The following NRXN3 variants were observed in gnomAD, a reference collection of about 807,000 sequenced individuals.
NRXN3 encodes neurexin III.
A neutral mutation model predicts 137.6 loss-of-function variants in NRXN3; 32 were observed. That is an observed-to-expected ratio of 0.23 (90% CI 0.18 to 0.31). The LOEUF (loss-of-function observed/expected upper bound fraction) is 0.31, where lower values mean the gene tolerates loss of function less well. NRXN3 is among the 10% of genes least tolerant of loss of function. NRXN3 has a pLI of 1.00. For synonymous variants in NRXN3, 798 were observed against 784.5 expected, an observed-to-expected ratio of 1.02 and a Z score of -0.29; for missense variants, 1,574 against 2,062.5, an observed-to-expected ratio of 0.76 and a Z score of 4.59.
chr14:79,071,617 C>G (rs1482134916), intron 15 of NRXN3, among the ~76,000 whole-genome samples: 2 of 152,012 alleles, frequency 1.3e-5, no homozygotes, highest in Non-Finnish European at 2.9e-5. Flanking sequence ...AAAATTTAAA[C>G]AATTGAACTC....
intron 4 of NRXN3, among the ~76,000 whole-genome samples, chr14:78,327,159 A>G (rs2080207946): frequency 6.6e-6 from 1 of 152,222 alleles, no homozygotes; most frequent in Non-Finnish European, 1.5e-5. Flanking sequence ...GTTATTGTTA[A>G]TGGTATATCG....
At chr14:78,442,580 C>A (rs1042241520) in intron 4 of NRXN3, among the ~76,000 whole-genome samples, 2 of 152,202 alleles carry the variant, frequency 1.3e-5, no homozygotes, top group African/African-American at 2.4e-5. Context: ...AGAAAGGGTT[C>A]TCCTTCTCTG....
rs566133936 is a variant in NRXN3, at chr14:79,174,901, G to A, written c.3262+186760G>A. Among the ~76,000 whole-genome samples the A allele has an allele frequency of 9.9e-5, 15 of 151,860 alleles. No individual in the cohort carries two copies. In the East Asian group the frequency reaches 2.7e-3, roughly 27 times the overall value. On this transcript the variant is annotated intron_variant, in intron 15 of 20. Transcript: ENST00000335750. ...TGGAGAGAGGAAGGGGAGCAATAGG[G>A]GAATATGGAATGGGGAAAGCAAAAG...
intron 4 of NRXN3, among the ~76,000 whole-genome samples, chr14:78,429,536 G>T (rs948142180): frequency 6.6e-6 from 1 of 152,200 alleles, no homozygotes. Context: ...TATCTCCAGA[G>T]TATGGACTTG....
intron 14 of NRXN3, among the ~76,000 whole-genome samples, chr14:78,978,983 G>A (rs193002617): frequency 1.2e-3 from 187 of 151,946 alleles, no homozygotes; most frequent in Non-Finnish European, 1.4e-3. Flanking sequence ...AGGAGCACAA[G>A]TGTCCAATGT....
At chr14:79,431,065 C>T (rs891404023) in intron 15 of NRXN3, among the ~76,000 whole-genome samples, 2 of 152,158 alleles carry the variant, frequency 1.3e-5, no homozygotes, top group African/African-American at 2.4e-5. Flanking sequence ...TACCTCCTTT[C>T]TCAGATCCAG....
At chr14:78,404,205 C>CTT (rs61577048) in intron 4 of NRXN3, among the ~76,000 whole-genome samples, 1 of 142,234 alleles carries the variant, frequency 7.0e-6, no homozygotes, top group African/African-American at 2.6e-5. Flanking sequence ...CCCTATTTTC[C>CTT]TTTTTTTTTT....
chr14:78,179,172 C>T lies in NRXN3; in HGVS notation c.-704+8498C>T, dbSNP rs184908527. ...CATGTGCACTGACAACATCCCCCTACATCTGTGTCACAGGATAAAGGGTGG... is the reference window on the plus strand; with the variant it reads ...CATGTGCACTGACAACATCCCCCTATATCTGTGTCACAGGATAAAGGGTGG... On this transcript the variant is annotated intron_variant, in intron 1 of 20. Coordinates refer to ENST00000335750, the MANE Select transcript of NRXN3 (RefSeq NM_001330195.2). Among the ~76,000 whole-genome samples, 14 of 152,278 alleles carry T rather than the reference C, an allele frequency of 9.2e-5. No homozygotes were observed. In the East Asian group the frequency reaches 2.5e-3, roughly 27 times the overall value.
In NRXN3 at chr14:79,758,610, A is replaced by G. The variant is rs534166086; in HGVS notation, c.4015-46502A>G. Among the ~76,000 whole-genome samples, 8 of 152,278 alleles carry G rather than the reference A, an allele frequency of 5.3e-5. No homozygotes were observed. In the East Asian group the frequency reaches 1.2e-3, roughly 22 times the overall value. On this transcript the variant is annotated intron_variant, in intron 19 of 20. Transcript: ENST00000335750. ...GGATCTGGAGGGGACAAATATCCAA[A>G]CTATTAAATTCCTAAAGGACATAAA...
At chr14:79,593,707 A>G (rs537840301) in intron 16 of NRXN3, among the ~76,000 whole-genome samples, 2 of 152,168 alleles carry the variant, frequency 1.3e-5, no homozygotes, top group South Asian at 4.1e-4. Flanking sequence ...CAGCAGATAT[A>G]GTGTTGATTG....
chr14:78,764,956 T>TTA (rs1483892851), intron 8 of NRXN3, among the ~76,000 whole-genome samples: 4 of 152,114 alleles, frequency 2.6e-5, no homozygotes, highest in African/African-American at 9.7e-5. Flanking sequence ...TTCATAAATC[T>TTA]TATGTAAAGG....
At chr14:78,370,866 T>C (rs2086701838) in intron 4 of NRXN3, among the ~76,000 whole-genome samples, 1 of 152,222 alleles carries the variant, frequency 6.6e-6, no homozygotes, top group Admixed American at 6.5e-5. Flanking sequence ...GATGAAGCTG[T>C]TTCTACATTG....
intron 4 of NRXN3, among the ~76,000 whole-genome samples, chr14:78,554,922 G>A (rs535398642): frequency 6.6e-6 from 1 of 152,172 alleles, no homozygotes; most frequent in African/African-American, 2.4e-5. Context: ...CCACCCATTT[G>A]CCCTTCCAAA....
At chr14:79,494,110 G>A (rs968211793) in intron 16 of NRXN3, among the ~76,000 whole-genome samples, 1 of 152,114 alleles carries the variant, frequency 6.6e-6, no homozygotes, top group Non-Finnish European at 1.5e-5. Flanking sequence ...TTGGTGCTTG[G>A]TACTAATTCT....
At chr14:78,404,463 A>G (rs1469711553) in intron 4 of NRXN3, among the ~76,000 whole-genome samples, 1 of 152,058 alleles carries the variant, frequency 6.6e-6, no homozygotes, top group Non-Finnish European at 1.5e-5. Context: ...GCAGCCTCCC[A>G]ATTTCTGGAG....
intron 10 of NRXN3, among the ~76,000 whole-genome samples, chr14:78,903,142 A>AAGT (rs2099202625): frequency 9.0e-6 from 1 of 111,730 alleles, no homozygotes; most frequent in Non-Finnish European, 1.7e-5. Flanking sequence ...ATGAAGTTTC[A>AAGT]TCTTCTTTTT....
intron 19 of NRXN3, among the ~76,000 whole-genome samples, chr14:79,719,735 T>C (rs1195403203): frequency 6.6e-6 from 1 of 152,128 alleles, no homozygotes; most frequent in African/African-American, 2.4e-5. Context: ...TTTTTTCACA[T>C]GCATGCAACA....
chr14:78,808,772 G>C (rs575181526), intron 9 of NRXN3, among the ~76,000 whole-genome samples: 10 of 152,104 alleles, frequency 6.6e-5, no homozygotes, highest in African/African-American at 2.4e-4. Flanking sequence ...GCTATAAATC[G>C]CTCCTCTCCA....
In NRXN3 at chr14:78,892,204, T is replaced by C. The variant is rs185590555; in HGVS notation, c.2276-65038T>C. On this transcript the variant is annotated intron_variant, in intron 10 of 20. Coordinates refer to ENST00000335750, the MANE Select transcript of NRXN3 (RefSeq NM_001330195.2). The stretch of plus-strand genomic sequence containing the variant: ...ATGCACGTTAAAATTTCAGAACCAC[T>C]GGGCACAGGAACGCTTTAATGTGCT... Among the ~76,000 whole-genome samples, 518 of 152,098 alleles carry C rather than the reference T, an allele frequency of 3.4e-3. 4 individuals carry two copies. Among genetic ancestry groups the C allele is most frequent in the African/African-American group, 0.011 (467 of 41,534 alleles).
Sources: gnomAD v4.1 joint callset for allele counts (sites outside exome capture counted in the v4.1 genomes callset) on GRCh38, gnomAD v4.1.1 for gene constraint, MANE v1.5 for transcripts, NCBI Gene and HGNC (gene_info 2026-07-23, HGNC 2026-07-21) for gene names.